Variants in TBC1D19 observed in about 807,000 individuals in gnomAD.
TBC1D19 encodes the protein TBC1 domain family member 19, also known as TBC1 domain family, member 19.
Under a neutral mutation model 89.0 loss-of-function variants are expected in TBC1D19, and 60 were observed. The ratio of observed to expected loss-of-function variants is 0.67; its 90% CI spans 0.55 to 0.84. The LOEUF (loss-of-function observed/expected upper bound fraction) is 0.84. TBC1D19 is among the 40% of genes least tolerant of loss of function. The pLI, the probability that TBC1D19 is intolerant of heterozygous loss-of-function variation, is 0.00. For missense variants in TBC1D19, 500 were observed against 610.8 expected (o/e 0.82, Z 1.91); for synonymous variants, 189 against 199.7 (o/e 0.95, Z 0.45).
At chr4:26,727,531 C>A (rs932220446) in intron 15 of TBC1D19, among the ~76,000 whole-genome samples, 1 of 152,216 alleles carries the variant, frequency 6.6e-6, no homozygotes. Context: ...TGAGCATCTG[C>A]TATGGACTGA....
chr4:26,715,581 C>T (rs545555768), intron 13 of TBC1D19, among the ~76,000 whole-genome samples: 2 of 152,136 alleles, frequency 1.3e-5, no homozygotes, highest in East Asian at 1.9e-4. Flanking sequence ...TAAATGAAAC[C>T]CTCAGCCAAT....
At chr4:26,696,599 T>C in intron 13 of TBC1D19, among the ~76,000 whole-genome samples, 1 of 152,164 alleles carries the variant, frequency 6.6e-6, no homozygotes, top group Non-Finnish European at 1.5e-5. Context: ...ATTGACCACA[T>C]AGTTGGAAGT....
chr4:26,578,579 G>A (rs1462354120), intron 1 of TBC1D19, among the ~76,000 whole-genome samples: 1 of 151,942 alleles, frequency 6.6e-6, no homozygotes, highest in Non-Finnish European at 1.5e-5. Flanking sequence ...AAATGTAAGA[G>A]AGAGAGAGAG....
At chr4:26,840,426 G>A in the TBC1D19 span, among the ~76,000 whole-genome samples, 1 of 152,100 alleles carries the variant, frequency 6.6e-6, no homozygotes, top group Non-Finnish European at 1.5e-5. Flanking sequence ...ATGCTTGTAG[G>A]GAAAGTAGAC....
At position 26,657,872 on chromosome 4, in the gene TBC1D19, A is replaced by C. The variant is rs184798122; in HGVS notation, c.481-1725A>C. On this transcript the variant is annotated intron_variant, in intron 7 of 20. Transcript: ENST00000264866. ...CATTTTTTATATGTTTCTTGGCTGC[A>C]TAAATGTCTTCTTTTGAGAAGTGTC... is the stretch of plus-strand genomic sequence containing the variant. 7.9e-5 allele frequency among the ~76,000 whole-genome samples: 12 copies of C among 152,320 alleles called. 1 individual carries two copies. Among genetic ancestry groups the C allele is most frequent in the Admixed American group, 7.2e-4 (11 of 15,294 alleles).
the TBC1D19 span, among the ~76,000 whole-genome samples, chr4:26,785,029 A>G: frequency 2.0e-4 from 31 of 152,186 alleles, no homozygotes; most frequent in Non-Finnish European, 1.5e-5. Context: ...AATATCCACC[A>G]AAAGAAACTG....
At chr4:26,800,575 C>T in the TBC1D19 span, among the ~76,000 whole-genome samples, 10 of 152,264 alleles carry the variant, frequency 6.6e-5, no homozygotes, top group African/African-American at 1.4e-4. Context: ...CCTGAGGAAT[C>T]GCCACACTGA....
the TBC1D19 span, among the ~76,000 whole-genome samples, chr4:26,768,552 AG>A: frequency 6.6e-6 from 1 of 152,196 alleles, no homozygotes; most frequent in Non-Finnish European, 1.5e-5. Context: ...AGAATGTATA[AG>A]CAAGAACATT....
chr4:26,656,676 A>C (rs1029070353), intron 7 of TBC1D19, among the ~76,000 whole-genome samples: 1 of 151,652 alleles, frequency 6.6e-6, no homozygotes, highest in Non-Finnish European at 1.5e-5. Context: ...CTCCTGCCTC[A>C]GCCTCCCGAG....
rs146144292 is a variant in TBC1D19, at chr4:26,673,834, G to A, written c.762G>A (p.Thr254=). 5.3e-4 allele frequency: 853 copies of A among 1,610,540 alleles called. 5 individuals carry two copies. The Middle Eastern group carries it at 6.8e-3, about 13-fold the overall frequency. ...AGTACATCAGACAAGGAAGTCCCAC[G>A]GCACTGAGAGCTGAATTGTGGGCTC... ...AQQYIRQGSP[T]ALRAELWALI... is the part of the protein sequence containing the mutation. Residue 254 remains threonine (T), a synonymous_variant, in exon 11 of 21, where the codon ACG becomes ACA. Coordinates refer to ENST00000264866, the MANE Select transcript of TBC1D19 (RefSeq NM_018317.4).
At chr4:26,703,822 G>A (rs1194173523) in intron 13 of TBC1D19, among the ~76,000 whole-genome samples, 3 of 151,662 alleles carry the variant, frequency 2.0e-5, no homozygotes, top group African/African-American at 7.3e-5. Flanking sequence ...TTAGCTGGGC[G>A]TGGTGGCGGG....
At chr4:26,594,328 G>A (rs938028517) in intron 1 of TBC1D19, among the ~76,000 whole-genome samples, 5 of 152,024 alleles carry the variant, frequency 3.3e-5, no homozygotes, top group South Asian at 2.1e-4. Flanking sequence ...CATCACACAC[G>A]GAGGCCTGTT....
chr4:26,766,609 G>C, the TBC1D19 span, among the ~76,000 whole-genome samples: 2 of 152,176 alleles, frequency 1.3e-5, no homozygotes, highest in Non-Finnish European at 1.5e-5. Flanking sequence ...ATGCATATTA[G>C]TAACACCTGG....
the TBC1D19 span, among the ~76,000 whole-genome samples, chr4:26,833,183 A>G: frequency 1.3e-5 from 2 of 152,116 alleles, no homozygotes; most frequent in Non-Finnish European, 2.9e-5. Flanking sequence ...GGTAACAGAT[A>G]TATTTAGGTT....
At chr4:26,660,864 T>C (rs1745181896) in intron 8 of TBC1D19, among the ~76,000 whole-genome samples, 1 of 152,246 alleles carries the variant, frequency 6.6e-6, no homozygotes, top group Non-Finnish European at 1.5e-5. Context: ...TTTACTTTCC[T>C]TTAGCCTAGA....
At chr4:26,607,486 T>A (rs1248312340) in intron 1 of TBC1D19, among the ~76,000 whole-genome samples, 3 of 152,170 alleles carry the variant, frequency 2.0e-5, no homozygotes, top group African/African-American at 7.2e-5. Context: ...AGAAGAAAAC[T>A]GCCATACAGA....
the TBC1D19 span, among the ~76,000 whole-genome samples, chr4:26,773,267 TGAG>T: frequency 6.6e-6 from 1 of 152,250 alleles, no homozygotes; most frequent in Non-Finnish European, 1.5e-5. Context: ...TGTCTTCTTT[TGAG>T]GAGTATCTGT....
At chr4:26,751,690 A>G (rs1718972694) in intron 19 of TBC1D19, among the ~76,000 whole-genome samples, 1 of 152,178 alleles carries the variant, frequency 6.6e-6, no homozygotes. Flanking sequence ...ACGAGTTCTA[A>G]TGCTTTTTTG....
intron 4 of TBC1D19, among the ~76,000 whole-genome samples, chr4:26,624,123 C>A (rs888313463): frequency 1.3e-5 from 2 of 152,126 alleles, no homozygotes; most frequent in Non-Finnish European, 2.9e-5. Flanking sequence ...ATGTGCCTGT[C>A]CAAGTGAATC....
Sources: gnomAD v4.1 joint callset for allele counts (sites outside exome capture counted in the v4.1 genomes callset) on GRCh38, gnomAD v4.1.1 for gene constraint, MANE v1.5 for transcripts, NCBI Gene and HGNC (gene_info 2026-07-23, HGNC 2026-07-21) for gene names.